Variants in CSMD2 observed in about 807,000 individuals in gnomAD.
CSMD2 encodes CUB and sushi domain-containing protein 2.
Under a neutral mutation model 398.5 loss-of-function variants are expected in CSMD2, and 130 were observed. That is an observed-to-expected ratio of 0.33 (90% confidence interval 0.28 to 0.38). The LOEUF (loss-of-function observed/expected upper bound fraction) is 0.38. Among genes scored for constraint, CSMD2 ranks in the 10% least tolerant of loss-of-function variants. The pLI, the probability that CSMD2 is intolerant of heterozygous loss-of-function variation, is 1.00. For missense variants in CSMD2, 3,829 were observed against 4,764.9 expected, an observed-to-expected ratio of 0.80 and a Z score of 5.78; for synonymous variants, 1,828 against 1,908.5, an observed-to-expected ratio of 0.96 and a Z score of 1.10.
chr1:34,103,638 G>C (rs2148420133), intron 1 of CSMD2, among the ~76,000 whole-genome samples: 1 of 152,160 alleles, frequency 6.6e-6, no homozygotes. Context: ...ACCTAGCCCA[G>C]TACTTGCCCA....
rs10157441 is a variant in CSMD2 at position 34,112,183 on chromosome 1, C to T, written c.188-22990G>A. Among the ~76,000 whole-genome samples the T allele has an allele frequency of 6.0e-3, 921 of 152,256 alleles. 9 individuals are homozygous for T. Among genetic ancestry groups the T allele is most frequent in the African/African-American group, 0.021 (876 of 41,530 alleles). Reference sequence around the variant, plus strand: ...TAACAAGCTTATTGTTGCCCCTTGCCCATACACATGCAAACCAAGGTGAAA... The same window carrying T: ...TAACAAGCTTATTGTTGCCCCTTGCTCATACACATGCAAACCAAGGTGAAA... On this transcript the variant is annotated intron_variant, in intron 1 of 70. Transcript: ENST00000373381.
intron 53 of CSMD2, among the ~76,000 whole-genome samples, chr1:33,561,224 C>T (rs57211390): frequency 0.032 from 4,910 of 152,172 alleles, 288 homozygotes; most frequent in African/African-American, 0.11. Context: ...TAGTAGCAAC[C>T]CTGACTCCAG....
chr1:33,693,158 TC>T, intron 24 of CSMD2, 102 bp from the exon 25 acceptor site: 1 of 1,335,928 alleles, frequency 7.5e-7, no homozygotes. Flanking sequence ...CCCTTCCCTC[TC>T]CCATTCATTT....
intron 53 of CSMD2, among the ~76,000 whole-genome samples, chr1:33,564,101 ACAG>A (rs1278605438): frequency 9.2e-5 from 14 of 152,036 alleles, no homozygotes; most frequent in East Asian, 5.8e-4. Context: ...TCATCACACA[ACAG>A]CAGCAGCAGC....
intron 1 of CSMD2, among the ~76,000 whole-genome samples, chr1:34,125,560 A>C (rs1662658326): frequency 6.8e-6 from 1 of 146,686 alleles, no homozygotes; most frequent in Non-Finnish European, 1.5e-5. Flanking sequence ...TGTTGGCAGC[A>C]ATTTGGCAGG....
chr1:33,801,366 G>T (rs1397281602), intron 10 of CSMD2, among the ~76,000 whole-genome samples: 1 of 152,176 alleles, frequency 6.6e-6, no homozygotes, highest in Non-Finnish European at 1.5e-5. Flanking sequence ...GGGGCATCAA[G>T]GCAGGTCTGG....
intron 10 of CSMD2, among the ~76,000 whole-genome samples, chr1:33,796,518 TC>T (rs1654967983): frequency 1.3e-5 from 2 of 152,260 alleles, no homozygotes; most frequent in Admixed American, 6.5e-5. Context: ...TTTTATAATT[TC>T]TTATGCCTGT....
intron 55 of CSMD2, among the ~76,000 whole-genome samples, chr1:33,552,963 G>T (rs1657598933): frequency 1.3e-5 from 2 of 152,186 alleles, no homozygotes; most frequent in African/African-American, 2.4e-5. Flanking sequence ...AAGAAAAAAT[G>T]CAAATGGATT....
intron 1 of CSMD2, among the ~76,000 whole-genome samples, chr1:34,151,279 C>G (rs1308980230): frequency 6.6e-6 from 1 of 152,204 alleles, no homozygotes; most frequent in Non-Finnish European, 1.5e-5. Flanking sequence ...GGCCACTGCA[C>G]TAGGTACTCA....
intron 1 of CSMD2, among the ~76,000 whole-genome samples, chr1:34,146,836 G>T (rs1181449666): frequency 6.6e-6 from 1 of 152,184 alleles, no homozygotes; most frequent in Non-Finnish European, 1.5e-5. Context: ...CAGCAGGAAT[G>T]AAGACTTCAG....
At chr1:33,767,457 G>C (rs1650653698) in intron 13 of CSMD2, among the ~76,000 whole-genome samples, 1 of 152,186 alleles carries the variant, frequency 6.6e-6, no homozygotes, top group African/African-American at 2.4e-5. Context: ...TCTAGAGATA[G>C]AGTTACAGCA....
chr1:33,945,121 T>C (rs1644800958), intron 3 of CSMD2, among the ~76,000 whole-genome samples: 3 of 151,904 alleles, frequency 2.0e-5, no homozygotes, highest in Non-Finnish European at 4.4e-5. Context: ...ACAGAACCCA[T>C]GGCTTCCTCT....
At position 33,738,997 on chromosome 1, in the gene CSMD2, T is replaced by C. The variant is rs1646970185; in HGVS notation, c.2368+143A>G. On this transcript the variant is annotated intron_variant, in intron 15 of 70. Coordinates refer to ENST00000373381, the MANE Select transcript of CSMD2 (RefSeq NM_001281956.2). Reference sequence around the variant, plus strand: ...TTATGAAGCCCCTGCTATTCCAGCATGAGGGTGAGAGAGTGGCCCTTCGTT... The same window carrying C: ...TTATGAAGCCCCTGCTATTCCAGCACGAGGGTGAGAGAGTGGCCCTTCGTT... 4.2e-5 allele frequency: 28 copies of C among 670,892 alleles called. No homozygotes were observed. The South Asian group carries it at 5.7e-4, about 14-fold the overall frequency. 41.6% of individuals were successfully genotyped at this position (670,892 alleles called of 1,614,324 possible).
intron 25 of CSMD2, among the ~76,000 whole-genome samples, chr1:33,692,373 T>C (rs1264922334): frequency 6.6e-6 from 1 of 152,224 alleles, no homozygotes; most frequent in African/African-American, 2.4e-5. Flanking sequence ...TCTGTCCTCA[T>C]TTTAAAGATG....
At chr1:33,623,917 C>T (rs1641930223) in intron 35 of CSMD2, among the ~76,000 whole-genome samples, 1 of 152,182 alleles carries the variant, frequency 6.6e-6, no homozygotes, top group Non-Finnish European at 1.5e-5. Flanking sequence ...GGCTCCTGAC[C>T]CTCTTCCCTG....
chr1:33,686,124 C>T (rs1242119323), intron 25 of CSMD2, among the ~76,000 whole-genome samples: 1 of 152,226 alleles, frequency 6.6e-6, no homozygotes, highest in Non-Finnish European at 1.5e-5. Flanking sequence ...ATAACTGATT[C>T]AGAACCTGGT....
chr1:34,125,534 T>TGC lies in CSMD2; in HGVS notation c.188-36342_188-36341insGC, dbSNP rs1389893994. Among the ~76,000 whole-genome samples, 15 of 149,742 alleles carry TGC rather than the reference T, an allele frequency of 1.0e-4. 1 individual carries two copies. Among genetic ancestry groups the TGC allele is most frequent in the Non-Finnish European group, 1.8e-4 (12 of 66,690 alleles). On this transcript the variant is annotated intron_variant, in intron 1 of 70. Coordinates refer to ENST00000373381, the MANE Select transcript of CSMD2 (RefSeq NM_001281956.2). ...GTGTGTGTGTGTGTGTGTGTGTGTGTGTGTGTGTGTGTGTGTGTTGGCAGC... is the reference window on the plus strand; with the variant it reads ...GTGTGTGTGTGTGTGTGTGTGTGTGTGCGTGTGTGTGTGTGTGTGTTGGCAGC...
intron 6 of CSMD2, among the ~76,000 whole-genome samples, chr1:33,842,560 T>C (rs889190288): frequency 4.6e-5 from 7 of 152,050 alleles, no homozygotes; most frequent in Non-Finnish European, 8.8e-5. Flanking sequence ...GCAAACTTTT[T>C]CTGTAAAGGG....
chr1:33,819,687 G>A lies in CSMD2; in HGVS notation c.1324+26C>T, dbSNP rs138469572. On this transcript the variant is annotated intron_variant, in intron 9 of 70. Coordinates refer to ENST00000373381, the MANE Select transcript of CSMD2 (RefSeq NM_001281956.2). ...CAGGCTCAGCCCAACTCTCTGGCCAGCCTCCCTTCCCCAGGGCACCCTCAC... is the reference window on the plus strand; with the variant it reads ...CAGGCTCAGCCCAACTCTCTGGCCAACCTCCCTTCCCCAGGGCACCCTCAC... 4.3e-4 allele frequency: 698 copies of A among 1,608,744 alleles called. 5 individuals carry two copies. The East Asian group carries it at 0.015, about 34-fold the overall frequency.
Sources: gnomAD v4.1 joint callset for allele counts (sites outside exome capture counted in the v4.1 genomes callset) on GRCh38, gnomAD v4.1.1 for gene constraint, MANE v1.5 for transcripts, NCBI Gene and HGNC (gene_info 2026-07-23, HGNC 2026-07-21) for gene names.